Variants in ELOA2 observed in about 807,000 individuals in gnomAD.
The protein encoded by ELOA2 is elongin A2.
For missense variants in ELOA2, 1,271 were observed against 979.7 expected (o/e 1.30, Z -3.97); for synonymous variants, 497 against 398.8 (o/e 1.25, Z -2.94).
At position 47,034,163 on chromosome 18, in the gene ELOA2, C is replaced by T; in HGVS notation, c.1102G>A (p.Glu368Lys). ...RTSVSSLSEV[E>K]EVDMAEEFEQ... is the part of the protein sequence containing the mutation. ...AATTCCTCAGCCATATCTACCTCCT[C>T]CACCTCAGAGAGGGAGCTCACGGAC... The change falls in exon 1 of 1, where the codon GAG (glutamate) becomes AAG (lysine). Residue 368 changes from glutamate to lysine, a missense_variant. Glu to Lys is a moderately conservative substitution (Grantham distance 56). Transcript: ENST00000332567. The T allele has an allele frequency of 1.9e-6, 3 of 1,614,226 alleles. No individual in the cohort carries two copies. The South Asian group carries it at 3.3e-5, about 18-fold the overall frequency.
Position 47,033,616 on chromosome 18 carries a change from A to G in ELOA2, c.1649T>C (p.Val550Ala), listed in dbSNP as rs201466088. Residue 550 changes from valine (V) to alanine (A), a missense_variant, in exon 1 of 1, where the codon GTC becomes GCC. Coordinates refer to ENST00000332567, the MANE Select transcript of ELOA2 (RefSeq NM_016427.3). ...AACAGGTTCAAGAACCCAGTAGGGG[A>G]CCTCTCCCACGTCGCTGAGGGCGTC... ...NPDALSDVGE[V>A]PYWVLEPVLE... The G allele has an allele frequency of 3.1e-6, 5 of 1,613,814 alleles. No homozygotes were observed. Among genetic ancestry groups the G allele is most frequent in the Non-Finnish European group, 4.2e-6 (5 of 1,180,002 alleles).
rs371842955 is a variant in ELOA2, at chr18:47,033,008, G to T, written c.2257C>A (p.Arg753=). The T allele has an allele frequency of 1.2e-5, 19 of 1,613,978 alleles. No individual in the cohort carries two copies. The Admixed American group carries it at 2.0e-4, about 17-fold the overall frequency. ...IRDYKRRFSR[R] is the part of the protein sequence containing the mutation. ...CTGCAAGGCAAGTCCTGAGTTTATC[G>T]TCGGGAGAATCTTCTCTTGTAGTCT... The change falls in exon 1 of 1, where the codon CGA becomes AGA. Residue 753 remains arginine, a synonymous_variant. Transcript: ENST00000332567.
Position 47,034,512 on chromosome 18 carries a change from C to G in ELOA2, c.753G>C (p.Glu251Asp). ...CTCTTAAGCAGGCCCCGCATGATTT[C>G]TCCCTGATCAAAGTAGGGGAGTGCC... The part of the protein sequence containing the change: ...GDWHSPTLIR[E>D]KSCGACLREE... The change falls in exon 1 of 1, where the codon GAG (glutamate) becomes GAC (aspartate). Residue 251 changes from glutamate to aspartate, a missense_variant. By Grantham distance (45) the Glu-to-Asp change is conservative (BLOSUM62 2). Coordinates refer to ENST00000332567, the MANE Select transcript of ELOA2 (RefSeq NM_016427.3). 1.2e-6 allele frequency: 2 copies of G among 1,614,224 alleles called. No individual in the cohort carries two copies. Among genetic ancestry groups the G allele is most frequent in the Non-Finnish European group, 1.7e-6 (2 of 1,180,026 alleles).
rs778714672 is a variant in ELOA2, at chr18:47,034,818, G to T, written c.447C>A (p.Arg149=). Residue 149 remains arginine, a synonymous_variant, in exon 1 of 1, where the codon CGC becomes CGA. Transcript: ENST00000332567. The part of the protein sequence containing the change: ...QQRPHPRSHS[R]EPRAERKCPR... ...GGCACTTTCTCTCAGCTCTGGGCTC[G>T]CGACTGTGAGACCTCGGGTGAGGTC... 4 of 1,612,100 alleles carry T rather than the reference G, an allele frequency of 2.5e-6. No homozygotes were observed. The Admixed American group carries it at 6.7e-5, about 27-fold the overall frequency.
rs1203545817 is a variant in ELOA2 at position 47,034,368 on chromosome 18, C to G, written c.897G>C (p.Glu299Asp). The change falls in exon 1 of 1, where the codon GAG becomes GAC. Residue 299 changes from glutamate to aspartate, a missense_variant. By Grantham distance (45) the Glu-to-Asp change is conservative. Transcript: ENST00000332567. ...GCCTCTTCTGGTGACTGTCTGGAGC[C>G]TCCTCCAAGGCAGGGACACGCTGGC... The part of the protein sequence containing the change: ...GSGQRVPALE[E>D]APDSHQKRPQ... 2 of 1,614,056 alleles carry G rather than the reference C, an allele frequency of 1.2e-6. No individual in the cohort carries two copies. The highest frequency in any genetic ancestry group is 1.7e-6 in the Non-Finnish European group (2 of 1,180,008).
chr18:47,033,248 T>G lies in ELOA2; in HGVS notation c.2017A>C (p.Lys673Gln). ...GDADPENGEI[K>Q]PASKPAGSSH... Reference sequence around the variant, plus strand: ...CTTCCCGCGGGCTTGGAGGCTGGCTTGATCTCCCCATTTTCGGGGTCAGCG... The same window carrying G: ...CTTCCCGCGGGCTTGGAGGCTGGCTGGATCTCCCCATTTTCGGGGTCAGCG... Residue 673 changes from lysine (K) to glutamine (Q), a missense_variant, in exon 1 of 1, where the codon AAG becomes CAG. Coordinates refer to ENST00000332567, the MANE Select transcript of ELOA2 (RefSeq NM_016427.3). 6.2e-7 allele frequency: 1 copy of G among 1,613,754 alleles called. No homozygotes were observed. The highest frequency in any genetic ancestry group is 8.5e-7 in the Non-Finnish European group (1 of 1,180,042).
the ELOA2 span, chr18:47,033,705 AG>A: frequency 3.7e-6 from 6 of 1,614,082 alleles, no homozygotes; most frequent in Admixed American, 1.7e-5. Context: ...GCTGGCAGGC[AG>A]GCCTGGAGCC....
chr18:47,033,606 C>G lies in ELOA2; in HGVS notation c.1659G>C (p.Trp553Cys). The G allele has an allele frequency of 1.9e-6, 3 of 1,614,204 alleles. No individual in the cohort carries two copies. The highest frequency in any genetic ancestry group is 1.7e-6 in the Non-Finnish European group (2 of 1,180,038). Residue 553 changes from tryptophan (W) to cysteine (C), a missense_variant, in exon 1 of 1, where the codon TGG becomes TGC. By Grantham distance (215) the Trp-to-Cys change is radical. Transcript: ENST00000332567. ...ACCCTTCCAGAACAGGTTCAAGAAC[C>G]CAGTAGGGGACCTCTCCCACGTCGC... ...ALSDVGEVPYWVLEPVLEGWR... is the reference protein window; with the variant it reads ...ALSDVGEVPYCVLEPVLEGWR...
Position 47,035,351 on chromosome 18 carries a change from C to T in ELOA2, c.-87G>A. The T allele has an allele frequency of 6.3e-7, 1 of 1,592,374 alleles. No homozygotes were observed. The highest frequency in any genetic ancestry group is 8.6e-7 in the Non-Finnish European group (1 of 1,168,912). ...GGACAGGAAGTCTGGGGTGGCCGGT[C>T]CTCGCTGCCCGGTCGCCAGGCAGCG... On this transcript the variant is annotated 5_prime_UTR_variant, in exon 1 of 1. Coordinates refer to ENST00000332567, the MANE Select transcript of ELOA2 (RefSeq NM_016427.3).
In ELOA2 at chr18:47,033,207, G is replaced by A. The variant is rs149717505; in HGVS notation, c.2058C>T (p.Ser686=). 4.0e-4 allele frequency: 650 copies of A among 1,614,076 alleles called. 6 individuals carry two copies. In the African/African-American group the frequency reaches 7.6e-3, roughly 19 times the overall value. Residue 686 remains serine, a synonymous_variant, in exon 1 of 1, where the codon TCC becomes TCT. Coordinates refer to ENST00000332567, the MANE Select transcript of ELOA2 (RefSeq NM_016427.3). ...TGCCACCGCCGCTGCTGCTCTGGCTGGAGGGAGTGTGGCTGCTTCCCGCGG... is the reference window on the plus strand; with the variant it reads ...TGCCACCGCCGCTGCTGCTCTGGCTAGAGGGAGTGTGGCTGCTTCCCGCGG... ...SKPAGSSHTP[S]SQSSSGGGRD... is the part of the protein sequence containing the mutation.
In ELOA2 at chr18:47,033,412, C is replaced by T. The variant is rs2060583231; in HGVS notation, c.1853G>A (p.Arg618Gln). 5 of 1,614,058 alleles carry T rather than the reference C, an allele frequency of 3.1e-6. No individual in the cohort carries two copies. The highest frequency in any genetic ancestry group is 1.7e-5 in the Admixed American group (1 of 60,002). The change falls in exon 1 of 1, where the codon CGG (arginine) becomes CAG (glutamine). Residue 618 changes from arginine (R) to glutamine (Q), a missense_variant. Physicochemically the swap from Arg to Gln is conservative, Grantham distance 43. Transcript: ENST00000332567. ...YLRLPDAPEQ[R>Q]LRVMTTNIRS... ...GATATTCGTTGTCATTACTCTCAGCCGCTGCTCTGGGGCGTCCGGAAGCCG... is the reference window on the plus strand; with the variant it reads ...GATATTCGTTGTCATTACTCTCAGCTGCTGCTCTGGGGCGTCCGGAAGCCG...
In ELOA2 at chr18:47,033,831, C is replaced by T. The variant is rs149165530; in HGVS notation, c.1434G>A (p.Ser478=). Reference sequence around the variant, plus strand: ...CCTGGGAGGTCATGGAGTCAGAATCCGAAAGCGGATCGTAGTTGGCCTGCA... The same window carrying T: ...CCTGGGAGGTCATGGAGTCAGAATCTGAAAGCGGATCGTAGTTGGCCTGCA... ...AWMQANYDPL[S]DSDSMTSQAK... is the part of the protein sequence containing the mutation. The change falls in exon 1 of 1, where the codon TCG becomes TCA. Residue 478 remains serine, a synonymous_variant. Coordinates refer to ENST00000332567, the MANE Select transcript of ELOA2 (RefSeq NM_016427.3). 1.6e-4 allele frequency: 256 copies of T among 1,614,080 alleles called. 1 individual carries two copies. In the African/African-American group the frequency reaches 2.1e-3, roughly 13 times the overall value.
Position 47,032,905 on chromosome 18 carries a change from A to G in ELOA2, c.*98T>C. The stretch of plus-strand genomic sequence containing the variant: ...AAGGCTCAACTTTGCACCAAGTTAA[A>G]GGTTCTGGTGTCCATTGGAAGTTTC... On this transcript the variant is annotated 3_prime_UTR_variant, in exon 1 of 1. Transcript: ENST00000332567. 1 of 1,600,646 alleles carries G rather than the reference A, an allele frequency of 6.2e-7. No homozygotes were observed. The highest frequency in any genetic ancestry group is 8.5e-7 in the Non-Finnish European group (1 of 1,172,758).
chr18:47,032,613 A>C lies in ELOA2; in HGVS notation c.*390T>G, dbSNP rs1336619374. 2 of 292,812 alleles carry C rather than the reference A, an allele frequency of 6.8e-6. No homozygotes were observed. Among genetic ancestry groups the C allele is most frequent in the African/African-American group, 4.4e-5 (2 of 45,076 alleles). The allele number at this position is 292,812 out of a possible 1,614,324, so 18.1% of individuals were successfully genotyped here. A position where few individuals can be genotyped will look rare whatever the true frequency, so the allele number is the denominator to read the frequency against. On this transcript the variant is annotated 3_prime_UTR_variant, in exon 1 of 1. Coordinates refer to ENST00000332567, the MANE Select transcript of ELOA2 (RefSeq NM_016427.3). ...TATGTATTCGGAGTTATCAGTGTCA[A>C]CTAATGGCTTGTGTGTTTTTGTCTA... is the stretch of plus-strand genomic sequence containing the variant.
rs1236531666 is a variant in ELOA2, at chr18:47,032,609, G to A, written c.*394C>T. 2 of 282,426 alleles carry A rather than the reference G, an allele frequency of 7.1e-6. No individual in the cohort carries two copies. Among genetic ancestry groups the A allele is most frequent in the Admixed American group, 5.0e-5 (1 of 19,902 alleles). 17.5% of individuals were successfully genotyped at this position (282,426 alleles called of 1,614,324 possible). A position where few individuals can be genotyped will look rare whatever the true frequency, so the allele number is the denominator to read the frequency against. On this transcript the variant is annotated 3_prime_UTR_variant, in exon 1 of 1. Coordinates refer to ENST00000332567, the MANE Select transcript of ELOA2 (RefSeq NM_016427.3). ...ATTTTATGTATTCGGAGTTATCAGTGTCAACTAATGGCTTGTGTGTTTTTG... is the reference window on the plus strand; with the variant it reads ...ATTTTATGTATTCGGAGTTATCAGTATCAACTAATGGCTTGTGTGTTTTTG...
At position 47,035,074 on chromosome 18, in the gene ELOA2, T is replaced by C. The variant is rs145959043; in HGVS notation, c.191A>G (p.Asp64Gly). ...KRLRKHQHVGDFARDLAARWK... is the reference protein window; with the variant it reads ...KRLRKHQHVGGFARDLAARWK... Reference sequence around the variant, plus strand: ...CCGGGCCGCTAAGTCTCTGGCAAAGTCGCCCACGTGCTGGTGCTTCCGCAG... The same window carrying C: ...CCGGGCCGCTAAGTCTCTGGCAAAGCCGCCCACGTGCTGGTGCTTCCGCAG... Residue 64 changes from aspartate to glycine, a missense_variant, in exon 1 of 1, where the codon GAC becomes GGC. Asp to Gly is a moderately conservative substitution (Grantham distance 94). Transcript: ENST00000332567. 4.3e-6 allele frequency: 7 copies of C among 1,611,252 alleles called. No homozygotes were observed. The highest frequency in any genetic ancestry group is 5.9e-6 in the Non-Finnish European group (7 of 1,179,572).
chr18:47,035,327 G>A lies in ELOA2; in HGVS notation c.-63C>T. 6.2e-7 allele frequency: 1 copy of A among 1,607,808 alleles called. No individual in the cohort carries two copies. Among genetic ancestry groups the A allele is most frequent in the Non-Finnish European group, 8.5e-7 (1 of 1,176,936 alleles). On this transcript the variant is annotated 5_prime_UTR_variant, in exon 1 of 1. Coordinates refer to ENST00000332567, the MANE Select transcript of ELOA2 (RefSeq NM_016427.3). The stretch of plus-strand genomic sequence containing the variant: ...CGCAGCTCTGTCTTTGGGGCTGCGG[G>A]ACAGGAAGTCTGGGGTGGCCGGTCC...
Position 47,033,690 on chromosome 18 carries a change from C to T in ELOA2, c.1575G>A (p.Gln525=), listed in dbSNP as rs774565750. The part of the protein sequence containing the change: ...YSGSRPACQL[Q]VPTLRQQCAQ... Reference sequence around the variant, plus strand: ...CACACTGCTGGCGCAGCGTCGGCACCTGGAGCTGGCAGGCAGGCCTGGAGC... The same window carrying T: ...CACACTGCTGGCGCAGCGTCGGCACTTGGAGCTGGCAGGCAGGCCTGGAGC... The change falls in exon 1 of 1, where the codon CAG becomes CAA. Residue 525 remains glutamine, a synonymous_variant. Transcript: ENST00000332567. The T allele has an allele frequency of 6.2e-7, 1 of 1,614,186 alleles. No homozygotes were observed.
Position 47,034,350 on chromosome 18 carries a change from C to G in ELOA2, c.915G>C (p.Gln305His), listed in dbSNP as rs768920048. Residue 305 changes from glutamine (Q) to histidine (H), a missense_variant, in exon 1 of 1, where the codon CAG becomes CAC. Coordinates refer to ENST00000332567, the MANE Select transcript of ELOA2 (RefSeq NM_016427.3). Reference sequence around the variant, plus strand: ...TCGAGTGACTGTGCTGAGGCCTCTTCTGGTGACTGTCTGGAGCCTCCTCCA... The same window carrying G: ...TCGAGTGACTGTGCTGAGGCCTCTTGTGGTGACTGTCTGGAGCCTCCTCCA... ...PALEEAPDSH[Q>H]KRPQHSHSNK... is the part of the protein sequence containing the mutation. The G allele has an allele frequency of 3.7e-6, 6 of 1,613,708 alleles. No homozygotes were observed. The African/African-American group carries it at 8.0e-5, about 22-fold the overall frequency.
Sources: gnomAD v4.1 joint callset for allele counts on GRCh38, gnomAD v4.1.1 for gene constraint, MANE v1.5 for transcripts, NCBI Gene and HGNC (gene_info 2026-07-23, HGNC 2026-07-21) for gene names.